DPY19L3: variants seen among roughly 807,000 people sequenced by gnomAD.
DPY19L3 encodes the protein protein C-mannosyl-transferase DPY19L3.
A neutral mutation model predicts 92.3 loss-of-function variants in DPY19L3; 51 were observed. That is an observed-to-expected ratio of 0.55 (90% CI 0.44 to 0.70). DPY19L3 has a LOEUF of 0.70. DPY19L3 is among the 30% of genes least tolerant of loss of function. DPY19L3 has a pLI of 0.00. For synonymous variants in DPY19L3, 309 were observed against 315.2 expected (o/e 0.98, Z 0.21); for missense variants, 706 against 855.9 (o/e 0.82, Z 2.18).
At chr19:32,424,468 TACAA>T (rs1968689180) in intron 3 of DPY19L3, among the ~76,000 whole-genome samples, 1 of 148,768 alleles carries the variant, frequency 6.7e-6, no homozygotes, top group Non-Finnish European at 1.5e-5. Context: ...CTACTAAAAA[TACAA>T]AAAAAAAAAT....
intron 13 of DPY19L3, among the ~76,000 whole-genome samples, 189 bp downstream of exon 13, chr19:32,463,677 C>CT (rs1213126831): frequency 1.3e-5 from 2 of 152,178 alleles, no homozygotes; most frequent in Non-Finnish European, 2.9e-5. Flanking sequence ...AAACACGCCT[C>CT]TATGTTTTAC....
intron 8 of DPY19L3, among the ~76,000 whole-genome samples, chr19:32,450,537 C>A (rs927823728): frequency 6.6e-5 from 10 of 151,978 alleles, no homozygotes; most frequent in Admixed American, 6.6e-4. Context: ...AAATAGTGTT[C>A]AGCAATAAAA....
chr19:32,464,602 T>A (rs748910563), intron 14 of DPY19L3, 126 bp from the exon 15 acceptor site: 2 of 545,020 alleles, frequency 3.7e-6, no homozygotes, highest in Non-Finnish European at 6.4e-6. Flanking sequence ...CTCAGGAGGC[T>A]GAGACAGGAA....
At chr19:32,410,546 G>C (rs570478159) in intron 2 of DPY19L3, among the ~76,000 whole-genome samples, 1 of 152,258 alleles carries the variant, frequency 6.6e-6, no homozygotes, top group Admixed American at 6.5e-5. Flanking sequence ...TAGGATCCCA[G>C]CTTGGGTGGG....
At chr19:32,481,336 C>T (rs1270097421) in intron 18 of DPY19L3, 1 of 152,112 alleles carries the variant, frequency 6.6e-6, no homozygotes. Flanking sequence ...TCATAACTGT[C>T]TTGAGTTCAG....
Position 32,484,764 on chromosome 19 carries a change from C to G in DPY19L3, c.*2524C>G, listed in dbSNP as rs1231971953. 1 of 152,132 alleles carries G rather than the reference C, an allele frequency of 6.6e-6. No homozygotes were observed. Among genetic ancestry groups the G allele is most frequent in the African/African-American group, 2.4e-5 (1 of 41,420 alleles). 9.4% of individuals were successfully genotyped at this position (152,132 alleles called of 1,614,324 possible). On this transcript the variant is annotated 3_prime_UTR_variant, in exon 19 of 19. Coordinates refer to ENST00000392250, the MANE Select transcript of DPY19L3 (RefSeq NM_001172774.2). ...TCTGCTTCCTCTTATAAGTACACAACTCAGTTAAGTATTCACATACACACA... is the reference window on the plus strand; with the variant it reads ...TCTGCTTCCTCTTATAAGTACACAAGTCAGTTAAGTATTCACATACACACA...
chr19:32,423,319 A>T (rs926118750), intron 3 of DPY19L3, among the ~76,000 whole-genome samples: 1 of 151,010 alleles, frequency 6.6e-6, no homozygotes, highest in Non-Finnish European at 1.5e-5. Context: ...GCTCACTGCA[A>T]CCTCCGCCTT....
At chr19:32,437,147 G>C (rs763169730) in intron 5 of DPY19L3, 47 bp from the exon 6 acceptor site, 36 of 1,610,074 alleles carry the variant, frequency 2.2e-5, no homozygotes, top group Non-Finnish European at 3.0e-5. Context: ...GCACTGAGGA[G>C]GGTTAGGGCT....
intron 3 of DPY19L3, among the ~76,000 whole-genome samples, chr19:32,430,714 G>T (rs1367504333): frequency 6.6e-6 from 1 of 151,696 alleles, no homozygotes; most frequent in Non-Finnish European, 1.5e-5. Context: ...CTCCCAGTAG[G>T]CTGAGTCTCA....
At chr19:32,471,109 A>T (rs1406938728) in intron 16 of DPY19L3, among the ~76,000 whole-genome samples, 1 of 152,110 alleles carries the variant, frequency 6.6e-6, no homozygotes, top group Non-Finnish European at 1.5e-5. Flanking sequence ...TGTTTTTGAA[A>T]CGTAAAATAT....
chr19:32,441,747 C>T (rs1969332256), intron 8 of DPY19L3, among the ~76,000 whole-genome samples: 1 of 152,186 alleles, frequency 6.6e-6, no homozygotes, highest in African/African-American at 2.4e-5. Context: ...ATCCACCTGC[C>T]TTGGCCTCCC....
chr19:32,442,141 A>G (rs1022829303), intron 8 of DPY19L3, among the ~76,000 whole-genome samples: 5 of 152,110 alleles, frequency 3.3e-5, no homozygotes, highest in African/African-American at 9.7e-5. Context: ...AATAATTGGT[A>G]TAGAAAAAGG....
intron 3 of DPY19L3, among the ~76,000 whole-genome samples, chr19:32,420,389 G>A (rs1008990867): frequency 3.3e-5 from 5 of 152,100 alleles, no homozygotes; most frequent in African/African-American, 1.2e-4. Context: ...GGTTAGTCAT[G>A]GCAGGTACAG....
intron 3 of DPY19L3, among the ~76,000 whole-genome samples, chr19:32,430,702 GC>G (rs1968932155): frequency 1.3e-5 from 2 of 151,822 alleles, no homozygotes; most frequent in South Asian, 4.2e-4. Flanking sequence ...AGCAGCCTCA[GC>G]CTCCCAGTAG....
At chr19:32,481,983 A>T in intron 18 of DPY19L3, 96 bp from the exon 19 acceptor site, 1 of 1,347,558 alleles carries the variant, frequency 7.4e-7, no homozygotes, top group Non-Finnish European at 1.0e-6. Flanking sequence ...TTTCACTCAC[A>T]TACCATTCTT....
rs924308095 is a variant in DPY19L3, at chr19:32,427,981, T to TC, written c.238-4735_238-4734insC. On this transcript the variant is annotated intron_variant, in intron 3 of 18. Coordinates refer to ENST00000392250, the MANE Select transcript of DPY19L3 (RefSeq NM_001172774.2). ...TTGTAAACAAATCTTTTTTTTTTTTTTTTTTTTTGAGACAGAGTTTCACTC... is the reference window on the plus strand; with the variant it reads ...TTGTAAACAAATCTTTTTTTTTTTTTCTTTTTTTTGAGACAGAGTTTCACTC... 3.4e-5 allele frequency: 5 copies of TC among 149,016 alleles called. No homozygotes were observed. In the East Asian group the frequency reaches 9.7e-4, roughly 29 times the overall value. The allele number at this position is 149,016 out of a possible 1,614,324, so 9.2% of individuals were successfully genotyped here.
chr19:32,411,882 A>T (rs1479035850), intron 3 of DPY19L3: 3 of 150,270 alleles, frequency 2.0e-5, no homozygotes, highest in African/African-American at 7.4e-5. Context: ...TTTATTTTTC[A>T]TTTTAATTTT....
At chr19:32,452,467 C>T (rs918097838) in intron 8 of DPY19L3, among the ~76,000 whole-genome samples, 5 of 152,168 alleles carry the variant, frequency 3.3e-5, no homozygotes, top group African/African-American at 1.2e-4. Flanking sequence ...TAGGAAATAA[C>T]ACAGTAAAGT....
At chr19:32,444,976 T>C (rs1367326864) in intron 8 of DPY19L3, among the ~76,000 whole-genome samples, 3 of 149,770 alleles carry the variant, frequency 2.0e-5, no homozygotes, top group Non-Finnish European at 4.4e-5. Context: ...GCCTGAGGTC[T>C]CAGATACTTG....
Sources: allele counts gnomAD v4.1 joint callset (sites outside exome capture counted in the v4.1 genomes callset), GRCh38; gene constraint gnomAD v4.1.1; transcripts MANE v1.5; gene names NCBI Gene and HGNC (gene_info 2026-07-23, HGNC 2026-07-21).